The following ADGRV1 variants were observed in gnomAD, a reference collection of about 807,000 sequenced individuals.
The protein encoded by ADGRV1 is adhesion G protein-coupled receptor V1.
Under a neutral mutation model 596.2 loss-of-function variants are expected in ADGRV1, and 359 were observed. That is an observed-to-expected ratio of 0.60 (90% CI 0.55 to 0.66). The LOEUF is 0.66. Among genes scored for constraint, ADGRV1 ranks in the 30% least tolerant of loss-of-function variants. The pLI is 0.00. For missense variants in ADGRV1, 7,274 were observed against 7,575.6 expected (o/e 0.96, Z 1.48); for synonymous variants, 2,681 against 2,679.2 (o/e 1.00, Z -0.02).
chr5:90,687,736 G>A (rs183244619), intron 29 of ADGRV1, among the ~76,000 whole-genome samples: 2 of 152,208 alleles, frequency 1.3e-5, no homozygotes, highest in East Asian at 1.9e-4. Flanking sequence ...GAAGTCACAA[G>A]CACTCTTATA....
At chr5:91,085,347 C>T (rs1033688434) in intron 86 of ADGRV1, among the ~76,000 whole-genome samples, 3 of 152,172 alleles carry the variant, frequency 2.0e-5, no homozygotes, top group Non-Finnish European at 2.9e-5. Context: ...TACTCTGTAA[C>T]GGATACTTAT....
intron 67 of ADGRV1, among the ~76,000 whole-genome samples, chr5:90,784,616 C>A (rs1232982554): frequency 6.6e-6 from 1 of 152,082 alleles, no homozygotes; most frequent in Non-Finnish European, 1.5e-5. Context: ...GAGGCATAAG[C>A]TGGCATGTTT....
intron 83 of ADGRV1, among the ~76,000 whole-genome samples, chr5:90,959,680 T>C (rs1376769368): frequency 7.9e-6 from 1 of 127,226 alleles, no homozygotes; most frequent in East Asian, 2.6e-4. Context: ...CCAAAGGCAA[T>C]TTACTGGAGG....
rs1199309439 is a variant in ADGRV1 at position 90,716,554 on chromosome 5, C to A, written c.9272C>A (p.Ala3091Asp). 1.2e-6 allele frequency: 2 copies of A among 1,613,498 alleles called. No homozygotes were observed. Among genetic ancestry groups the A allele is most frequent in the South Asian group, 1.1e-5 (1 of 90,982 alleles). ...SEHFFLREPT[A>D]LYVQESVAVL... is the part of the protein sequence containing the mutation. ...CACTTTTTCCTAAGAGAGCCAACAG[C>A]TCTCTACGTCCAGGAGAGTGTTGCA... The change falls in exon 43 of 90, where the codon GCT becomes GAT. Residue 3091 changes from alanine to aspartate, a missense_variant. By Grantham distance (126) the Ala-to-Asp change is moderately radical (BLOSUM62 -2). Around this residue, in one of 5 missense-constraint regions of ADGRV1, gnomAD observed 3,643 missense variants for 3,809.2 expected, o/e 0.96. Coordinates refer to ENST00000405460, the MANE Select transcript of ADGRV1 (RefSeq NM_032119.4).
At chr5:91,063,110 C>T (rs1238009731) in intron 85 of ADGRV1, among the ~76,000 whole-genome samples, 1 of 151,446 alleles carries the variant, frequency 6.6e-6, no homozygotes, top group Non-Finnish European at 1.5e-5. Flanking sequence ...GGCATGGTGC[C>T]ACCACACCTG....
intron 23 of ADGRV1, 61 bp downstream of exon 23, chr5:90,674,295 G>C: frequency 7.3e-7 from 1 of 1,373,900 alleles, no homozygotes; most frequent in Non-Finnish European, 9.6e-7. Flanking sequence ...GTTTTGTTAA[G>C]AACTTCTTAA....
chr5:90,973,532 C>A (rs6452919), intron 84 of ADGRV1, among the ~76,000 whole-genome samples: 74,732 of 152,056 alleles, frequency 0.49, 19,726 homozygotes, highest in East Asian at 0.68. Context: ...CCCTGGGATG[C>A]AAGGCTGGTT....
chr5:90,617,727 A>T, intron 2 of ADGRV1, 77 bp from the exon 3 acceptor site: 1 of 1,189,450 alleles, frequency 8.4e-7, no homozygotes, highest in Non-Finnish European at 1.2e-6. Context: ...TTTTCTCTTG[A>T]TTGCTGTAAT....
intron 83 of ADGRV1, among the ~76,000 whole-genome samples, chr5:90,930,696 T>C (rs1169486106): frequency 1.4e-4 from 22 of 152,184 alleles, no homozygotes; most frequent in Admixed American, 1.4e-3. Context: ...TTTGCTTACC[T>C]GATAATTTTT....
At chr5:90,592,516 A>G (rs1390172147) in intron 1 of ADGRV1, among the ~76,000 whole-genome samples, 9 of 152,342 alleles carry the variant, frequency 5.9e-5, no homozygotes, top group South Asian at 4.1e-4. Flanking sequence ...CCATTTGTCT[A>G]TTTTGGCTTT....
intron 83 of ADGRV1, among the ~76,000 whole-genome samples, chr5:90,927,959 C>A (rs940130495): frequency 7.9e-5 from 12 of 151,980 alleles, no homozygotes; most frequent in African/African-American, 2.7e-4. Flanking sequence ...GAATATTGGC[C>A]CCCACTCTCT....
At chr5:90,859,900 C>T (rs1444852860) in intron 82 of ADGRV1, among the ~76,000 whole-genome samples, 5 of 148,288 alleles carry the variant, frequency 3.4e-5, no homozygotes, top group East Asian at 2.0e-4. Flanking sequence ...GGCAACATAG[C>T]GAGACCCTGT....
intron 87 of ADGRV1, among the ~76,000 whole-genome samples, chr5:91,117,978 T>C (rs1792998816): frequency 6.6e-6 from 1 of 152,212 alleles, no homozygotes; most frequent in Admixed American, 6.5e-5. Flanking sequence ...AAATATTAGC[T>C]ACTCTTATTG....
chr5:90,913,372 T>G (rs1773070745), intron 83 of ADGRV1, among the ~76,000 whole-genome samples: 1 of 152,240 alleles, frequency 6.6e-6, no homozygotes, highest in African/African-American at 2.4e-5. Flanking sequence ...TTACTATAAT[T>G]ATCCTGTTAT....
intron 83 of ADGRV1, among the ~76,000 whole-genome samples, chr5:90,955,011 G>A (rs1161022038): frequency 6.6e-6 from 1 of 151,926 alleles, no homozygotes; most frequent in East Asian, 1.9e-4. Context: ...CCTCATGACC[G>A]AGATTTGTGC....
chr5:91,000,022 A>T (rs1011369881), intron 85 of ADGRV1, among the ~76,000 whole-genome samples: 4 of 151,974 alleles, frequency 2.6e-5, no homozygotes, highest in African/African-American at 9.7e-5. Flanking sequence ...TTATAAAATT[A>T]ATCAATATTT....
intron 72 of ADGRV1, among the ~76,000 whole-genome samples, chr5:90,807,194 A>AT (rs1386208796): frequency 6.6e-6 from 1 of 152,100 alleles, no homozygotes; most frequent in Non-Finnish European, 1.5e-5. Context: ...TATTTGTGAC[A>AT]TTTTTTCTGA....
At chr5:90,660,004 C>T (rs1293227079) in intron 21 of ADGRV1, among the ~76,000 whole-genome samples, 1 of 150,404 alleles carries the variant, frequency 6.6e-6, no homozygotes, top group Non-Finnish European at 1.5e-5. Flanking sequence ...TGCACTCCAG[C>T]GTGGGTGACA....
At chr5:91,101,526 G>A (rs1445715257) in intron 86 of ADGRV1, among the ~76,000 whole-genome samples, 1 of 152,046 alleles carries the variant, frequency 6.6e-6, no homozygotes, top group African/African-American at 2.4e-5. Flanking sequence ...GCCTCTATAT[G>A]GTTATTATTC....
Sources: allele counts gnomAD v4.1 joint callset (sites outside exome capture counted in the v4.1 genomes callset), GRCh38; gene constraint gnomAD v4.1.1; regional missense constraint gnomAD v4.1.1; transcripts MANE v1.5; gene names NCBI Gene and HGNC (gene_info 2026-07-23, HGNC 2026-07-21).